The following NTN1 variants were observed in gnomAD, a reference collection of about 807,000 sequenced individuals.
The protein encoded by NTN1 is netrin 1.
NTN1 carries 11 observed loss-of-function variants against 54.2 expected under a neutral mutation model. The ratio of observed to expected loss-of-function variants is 0.20; its 90% CI spans 0.13 to 0.34. The LOEUF (loss-of-function observed/expected upper bound fraction) is 0.34. Ranked by LOEUF, NTN1 falls within the 10% of genes least tolerant of loss-of-function variation. NTN1 has a pLI of 1.00. For missense variants in NTN1, 740 were observed against 893.1 expected (o/e 0.83, Z 2.18); for synonymous variants, 371 against 382.0 (o/e 0.97, Z 0.33).
At chr17:9,118,682 C>T (rs558631955) in intron 2 of NTN1, among the ~76,000 whole-genome samples, 21 of 152,224 alleles carry the variant, frequency 1.4e-4, no homozygotes, top group Admixed American at 1.2e-3. Flanking sequence ...AACCACCGCT[C>T]TACTTTCGGT....
Position 9,239,637 on chromosome 17 carries a change from C to A in NTN1, c.1487-3C>A. 6.2e-7 allele frequency: 1 copy of A among 1,602,160 alleles called. No homozygotes were observed. ...CCACCCGTCTGCCTGTGCTTCCTTG[C>A]AGCCGTCCAGATCCACATCCTGAAG... On this transcript the variant is annotated splice_polypyrimidine_tract_variant and splice_region_variant and intron_variant, in intron 6 of 6. Transcript: ENST00000173229. This position sits in a 1 kb window ranked among gnomAD's most constrained non-coding sequence, Gnocchi z 5.2.
Position 9,022,594 on chromosome 17 carries a change from C to T in NTN1, c.221C>T (p.Pro74Leu), listed in dbSNP as rs1402168181. Residue 74 changes from proline (P) to leucine (L), a missense_variant, in exon 2 of 7, where the codon CCG becomes CTG. Transcript: ENST00000173229. ...GTGTCCAGCACCTGCGGCCGGCCCCCGGCGCGCTACTGCGTGGTGAGCGAG... is the reference window on the plus strand; with the variant it reads ...GTGTCCAGCACCTGCGGCCGGCCCCTGGCGCGCTACTGCGTGGTGAGCGAG... ...VRVSSTCGRP[P>L]ARYCVVSERG... 2 of 1,545,940 alleles carry T rather than the reference C, an allele frequency of 1.3e-6. No homozygotes were observed. The highest frequency in any genetic ancestry group is 1.9e-5 in the Admixed American group (1 of 51,338).
chr17:9,150,742 C>T (rs1028411039), intron 2 of NTN1, among the ~76,000 whole-genome samples: 2 of 151,374 alleles, frequency 1.3e-5, no homozygotes, highest in Non-Finnish European at 2.9e-5. Context: ...GGAGGCATAG[C>T]AGCCAAAAAA....
chr17:9,184,917 T>C (rs1304727474), intron 5 of NTN1, among the ~76,000 whole-genome samples: 2 of 152,272 alleles, frequency 1.3e-5, no homozygotes, highest in Non-Finnish European at 2.9e-5. Flanking sequence ...GCCTCCTTTT[T>C]TGAAATGTCT....
At chr17:9,094,965 C>T (rs1034971628) in intron 2 of NTN1, among the ~76,000 whole-genome samples, 7 of 139,366 alleles carry the variant, frequency 5.0e-5, no homozygotes, top group South Asian at 2.3e-4. Flanking sequence ...CTTCAGCCTG[C>T]GCAACAGAGC....
intron 2 of NTN1, among the ~76,000 whole-genome samples, chr17:9,155,563 A>G (rs969119151): frequency 6.7e-6 from 1 of 150,300 alleles, no homozygotes; most frequent in African/African-American, 2.5e-5. Flanking sequence ...CTGGTTTCAA[A>G]CTCCTGACTT....
upstream of NTN1, among the ~76,000 whole-genome samples, chr17:9,021,017 G>A (rs970776174): frequency 3.3e-5 from 5 of 152,156 alleles, no homozygotes; most frequent in Non-Finnish European, 5.9e-5. Context: ...TGCCCACAGG[G>A]GCACAGCCCT....
intron 2 of NTN1, among the ~76,000 whole-genome samples, chr17:9,143,899 T>C (rs571449747): frequency 4.6e-4 from 56 of 122,470 alleles, no homozygotes; most frequent in Admixed American, 2.1e-3. Flanking sequence ...CTTTACCTGC[T>C]TTTTTTTTTT....
intron 6 of NTN1, among the ~76,000 whole-genome samples, chr17:9,223,844 T>C (rs1271501749): frequency 6.6e-6 from 1 of 152,136 alleles, no homozygotes. Flanking sequence ...GCTTCTCCTC[T>C]CCCCATCCTT....
At chr17:9,021,490 C>T (rs1030753030), upstream of NTN1, 1 of 151,968 alleles carries the variant, frequency 6.6e-6, no homozygotes, top group Non-Finnish European at 1.5e-5. Context: ...CCCCCGCCCC[C>T]GCGCTCCCCT....
intron 6 of NTN1, among the ~76,000 whole-genome samples, chr17:9,237,470 G>C (rs1312674999): frequency 2.6e-5 from 4 of 152,172 alleles, no homozygotes; most frequent in Non-Finnish European, 5.9e-5. Flanking sequence ...AAGGTGTAAG[G>C]TTTCAACAGA....
intron 3 of NTN1, chr17:9,171,602 A>G (rs2092387257): frequency 6.6e-6 from 1 of 152,358 alleles, no homozygotes; most frequent in African/African-American, 2.4e-5. Flanking sequence ...AAGCTGCGCT[A>G]CAAGGTGGCC....
chr17:9,110,715 A>G (rs2092187488), intron 2 of NTN1, among the ~76,000 whole-genome samples: 1 of 152,134 alleles, frequency 6.6e-6, no homozygotes, highest in South Asian at 2.1e-4. Flanking sequence ...GTCTCAGCAG[A>G]GCTGGTTTGC....
At chr17:9,191,840 C>T (rs1347683206) in intron 5 of NTN1, among the ~76,000 whole-genome samples, 1 of 114,780 alleles carries the variant, frequency 8.7e-6, no homozygotes, top group Non-Finnish European at 1.7e-5. Context: ...CCAGTCTGGG[C>T]AACATAATGA....
intron 5 of NTN1, among the ~76,000 whole-genome samples, chr17:9,187,810 G>A (rs2092438335): frequency 6.6e-6 from 1 of 151,094 alleles, no homozygotes; most frequent in Non-Finnish European, 1.5e-5. Context: ...AAGCCTGGGT[G>A]ACAGATTAAG....
Position 9,239,834 on chromosome 17 carries a change from G to A in NTN1, c.1681G>A (p.Ala561Thr), listed in dbSNP as rs766541731. The A allele has an allele frequency of 1.2e-6, 2 of 1,613,358 alleles. No homozygotes were observed. Among genetic ancestry groups the A allele is most frequent in the Middle Eastern group, 1.7e-4 (1 of 6,060 alleles). ...PLKKYLLLGN[A>T]EDSPDQSGIV... ...CAAGAAGTACCTGCTGCTGGGCAAC[G>A]CGGAGGACTCTCCGGACCAGAGCGG... The change falls in exon 7 of 7, where the codon GCG becomes ACG. Residue 561 changes from alanine (A) to threonine (T), a missense_variant. By Grantham distance (58) the Ala-to-Thr change is moderately conservative (BLOSUM62 0). Coordinates refer to ENST00000173229, the MANE Select transcript of NTN1 (RefSeq NM_004822.3). The surrounding 1 kb of genome is among the most constrained non-coding windows in gnomAD (Gnocchi z 5.2).
chr17:9,184,611 G>C (rs1351827106), intron 5 of NTN1, among the ~76,000 whole-genome samples: 1 of 152,202 alleles, frequency 6.6e-6, no homozygotes, highest in Non-Finnish European at 1.5e-5. Flanking sequence ...CTGTGTGACA[G>C]CTCATGCAAG....
In NTN1 at chr17:9,221,077, T is replaced by C. The variant is rs549672242; in HGVS notation, c.1412-91T>C. ...CATGGGTATCACAGGCCTCTGGCTA[T>C]TTAGGGAGGCGGCCTCCTACTCTGC... On this transcript the variant is annotated intron_variant, in intron 5 of 6. Transcript: ENST00000173229. The surrounding 1 kb of genome is among the most constrained non-coding windows in gnomAD (Gnocchi z 4.5). 158 of 951,032 alleles carry C rather than the reference T, an allele frequency of 1.7e-4. 1 individual carries two copies. Among genetic ancestry groups the C allele is most frequent in the Admixed American group, 5.1e-4 (30 of 58,736 alleles). The allele number at this position is 951,032 out of a possible 1,614,324, so 58.9% of individuals were successfully genotyped here. A position where few individuals can be genotyped will look rare whatever the true frequency, so the allele number is the denominator to read the frequency against.
intron 5 of NTN1, among the ~76,000 whole-genome samples, chr17:9,200,252 T>G (rs1381634172): frequency 6.6e-6 from 1 of 152,236 alleles, no homozygotes; most frequent in East Asian, 1.9e-4. Context: ...TTGGGACAGC[T>G]TTGTTTTCCC....
Sources: gnomAD v4.1 joint callset for allele counts (sites outside exome capture counted in the v4.1 genomes callset) on GRCh38, gnomAD v4.1.1 for gene constraint, Gnocchi (gnomAD v3.1) non-coding constraint, MANE v1.5 for transcripts, NCBI Gene and HGNC (gene_info 2026-07-23, HGNC 2026-07-21) for gene names.